SLC19A1: variants seen among roughly 807,000 people sequenced by gnomAD.
The protein encoded by SLC19A1 is reduced folate transporter.
Under a neutral mutation model 35.3 loss-of-function variants are expected in SLC19A1, and 37 were observed. That is an observed-to-expected ratio of 1.05 (90% CI 0.81 to 1.38). The LOEUF is 1.38. SLC19A1 is among the 40% of genes most tolerant of loss of function. The pLI is 0.00. For synonymous variants in SLC19A1, 460 were observed against 398.5 expected, an observed-to-expected ratio of 1.15 and a Z score of -1.84; for missense variants, 831 against 826.9, an observed-to-expected ratio of 1.00 and a Z score of -0.06.
intron 3 of SLC19A1, chr21:45,504,230 A>G: frequency 4.4e-6 from 4 of 911,858 alleles, no homozygotes; most frequent in Non-Finnish European, 6.9e-6. Flanking sequence ...TCCCCGGCTC[A>G]GTTTTTGGGG....
chr21:45,503,627 G>A (rs918425512), intron 3 of SLC19A1, among the ~76,000 whole-genome samples: 3 of 127,762 alleles, frequency 2.3e-5, no homozygotes, highest in Admixed American at 8.8e-5. Flanking sequence ...CACACTCTGG[G>A]GACTGTTGTG....
In SLC19A1 at chr21:45,530,847, G is replaced by C. The variant is rs746279623; in HGVS notation, c.1074C>G (p.His358Gln). Residue 358 changes from histidine (H) to glutamine (Q), a missense_variant, in exon 4 of 6, where the codon CAC becomes CAG. His to Gln is a conservative substitution (Grantham distance 24). Coordinates refer to ENST00000311124, the MANE Select transcript of SLC19A1 (RefSeq NM_194255.4). This position sits in a 1 kb window ranked among gnomAD's most constrained non-coding sequence, Gnocchi z 5.3. Reference protein sequence around the residue: ...GLVFLLAHTRHPSSIWLCYAA... With the variant: ...GLVFLLAHTRQPSSIWLCYAA... The stretch of plus-strand genomic sequence containing the variant: ...CATAGCACAGCCAGATGCTGCTCGG[G>C]TGGCGCGTGTGCGCCAGAAGGAAGA... 1.3e-6 allele frequency: 2 copies of C among 1,509,078 alleles called. No individual in the cohort carries two copies. The highest frequency in any genetic ancestry group is 5.0e-5 in the East Asian group (2 of 39,706). The allele number at this position is 1,509,078 out of a possible 1,614,324, so 93.5% of individuals were successfully genotyped here.
Position 45,517,281 on chromosome 21 carries a change from G to A in SLC19A1, c.1294-1141C>T, listed in dbSNP as rs1308828656. On this transcript the variant is annotated intron_variant, in intron 5 of 5. Transcript: ENST00000311124. The surrounding 1 kb of genome is among the most constrained non-coding windows in gnomAD (Gnocchi z 4.4). ...ACCCAGGGAAGGGTCAGCCCAACAT[G>A]AGGAAAGACCTTTCGACAGGAATCG... Among the ~76,000 whole-genome samples, 5 of 152,178 alleles carry A rather than the reference G, an allele frequency of 3.3e-5. No individual in the cohort carries two copies. The highest frequency in any genetic ancestry group is 2.6e-4 in the Admixed American group (4 of 15,284).
chr21:45,551,917 C>T (rs1489013305), intron 1 of SLC19A1, among the ~76,000 whole-genome samples: 3 of 152,124 alleles, frequency 2.0e-5, no homozygotes, highest in African/African-American at 7.2e-5. Context: ...CCTTTATGTC[C>T]GTACTTTAGG....
At chr21:45,505,222 C>G (rs1456535457) in intron 3 of SLC19A1, 7 of 1,601,150 alleles carry the variant, frequency 4.4e-6, no homozygotes, top group Admixed American at 3.4e-5. Flanking sequence ...CGCCAGGGCC[C>G]TCCCGGCCCC....
chr21:45,505,354 G>A lies in SLC19A1; in HGVS notation c.498-6742C>T, dbSNP rs757988475. On this transcript the variant is annotated intron_variant, in intron 3 of 4. Coordinates refer to the SLC19A1 transcript ENST00000417954. ...GTGTTCCCACCTTGGTTTCTCTCCT[G>A]CAGCTATCAGCGTTCCCGGCCCTCC... 1.9e-6 allele frequency: 3 copies of A among 1,594,920 alleles called. No individual in the cohort carries two copies. The highest frequency in any genetic ancestry group is 3.3e-5 in the Admixed American group (2 of 59,988).
Position 45,530,361 on chromosome 21 carries a change from AGTGT to A in SLC19A1, c.1151+405_1151+408del, listed in dbSNP as rs952803705. On this transcript the variant is annotated intron_variant, in intron 4 of 5. Transcript: ENST00000311124. The surrounding 1 kb of genome is among the most constrained non-coding windows in gnomAD (Gnocchi z 5.3). ...TCTGTGCGCATGTGGTGTGTTCATG[AGTGT>A]GTGTGTGTCCATGTGTGAGCGTGTG... Among the ~76,000 whole-genome samples the A allele has an allele frequency of 1.5e-3, 209 of 143,806 alleles. 1 individual carries two copies. Among genetic ancestry groups the A allele is most frequent in the African/African-American group, 5.1e-3 (195 of 38,420 alleles). 94.3% of individuals were successfully genotyped at this position (143,806 alleles called of 152,430 possible).
At chr21:45,555,160 CGGGGGCGGCGCAGGGGGCGGT>C (rs1448503101) in intron 1 of SLC19A1, among the ~76,000 whole-genome samples, 2 of 41,824 alleles carry the variant, frequency 4.8e-5, no homozygotes, top group East Asian at 8.1e-4. Flanking sequence ...CAGGGGGCGG[CGGGGGCGGCGCAGGGGGCGGT>C]GCAGGGGGCG....
At chr21:45,537,735 C>CCCCA in intron 2 of SLC19A1, 36 bp downstream of exon 2, 4 of 1,182,928 alleles carry the variant, frequency 3.4e-6, no homozygotes, top group South Asian at 4.4e-5. Flanking sequence ...CCCACCCACC[C>CCCCA]ACAGGCGGCC....
At chr21:45,506,303 G>C (rs2037200358) in intron 3 of SLC19A1, 1 of 373,898 alleles carries the variant, frequency 2.7e-6, no homozygotes, top group East Asian at 6.6e-5. Context: ...GGCGGCAGGG[G>C]GGCTCAGGCC....
intron 1 of SLC19A1, among the ~76,000 whole-genome samples, chr21:45,562,739 T>TA (rs1483131841): frequency 1.2e-4 from 18 of 152,192 alleles, no homozygotes; most frequent in Non-Finnish European, 1.9e-4. Flanking sequence ...GAGCTGTACT[T>TA]ACGGTAGATT....
In SLC19A1 at chr21:45,515,960, C is replaced by T. The variant is rs1395900409; in HGVS notation, c.1474G>A (p.Gly492Arg). 7.1e-6 allele frequency: 11 copies of T among 1,540,016 alleles called. No homozygotes were observed. Among genetic ancestry groups the T allele is most frequent in the Admixed American group, 6.2e-5 (3 of 48,454 alleles). ...GGGCTCTGGGCTGGCTGCAGGCCTC[C>T]GAGGCCCTTGTCCTGCACGCTCAGT... ...QALSVQDKGL[G>R]GLQPAQSPPL... The change falls in exon 6 of 6, where the codon GGA (glycine) becomes AGA (arginine). Residue 492 changes from glycine (G) to arginine (R), a missense_variant. Gly to Arg is a moderately radical substitution (Grantham distance 125, BLOSUM62 -2). Transcript: ENST00000311124.
intron 3 of SLC19A1, chr21:45,506,420 C>T (rs911208182): frequency 9.4e-6 from 3 of 320,854 alleles, no homozygotes; most frequent in Non-Finnish European, 1.2e-5. Flanking sequence ...AATGCATCCT[C>T]TCTGCTTAGC....
At chr21:45,529,831 GTGTC>G (rs1381690579) in intron 4 of SLC19A1, among the ~76,000 whole-genome samples, 3 of 150,196 alleles carry the variant, frequency 2.0e-5, no homozygotes, top group African/African-American at 7.3e-5. Context: ...AGTGTGTGGT[GTGTC>G]TGTGTGGTGT....
intron 1 of SLC19A1, among the ~76,000 whole-genome samples, chr21:45,556,878 CGTGTCTCCTGGG>C (rs2078567742): frequency 6.6e-6 from 1 of 150,952 alleles, no homozygotes; most frequent in Non-Finnish European, 1.5e-5. Flanking sequence ...CCGGCCTGCA[CGTGTCTCCTGGG>C]ACGGCGACTC....
At chr21:45,507,762 TGTCTCAGCGCTGGCCCCCCAGTACCTCC>T (rs1467007257), downstream of SLC19A1, among the ~76,000 whole-genome samples, 1 of 152,198 alleles carries the variant, frequency 6.6e-6, no homozygotes. Flanking sequence ...CCACTACCTC[TGTCTCAGCGCTGGCCCCCCAGTACCTCC>T]GTCTCAGCTG....
intron 1 of SLC19A1, among the ~76,000 whole-genome samples, chr21:45,562,304 C>T (rs2078623374): frequency 6.6e-6 from 1 of 152,134 alleles, no homozygotes; most frequent in Admixed American, 6.5e-5. Context: ...TGACACGACA[C>T]CACACGCATT....
At position 45,513,374 on chromosome 21, in the gene SLC19A1, T is replaced by C. The variant is rs2037721263; in HGVS notation, c.*2284A>G. ...TGCCCATGGACAGGCTGGCTCCAGA[T>C]GCAGGGCAGTCATTGGCTGTCTCCT... On this transcript the variant is annotated 3_prime_UTR_variant, in exon 6 of 6. Transcript: ENST00000311124. 6.6e-6 allele frequency: 1 copy of C among 152,278 alleles called. No homozygotes were observed. Among genetic ancestry groups the C allele is most frequent in the East Asian group, 1.9e-4 (1 of 5,188 alleles). The allele number at this position is 152,278 out of a possible 1,614,324, so 9.4% of individuals were successfully genotyped here.
At chr21:45,539,588 G>C (rs1014710246) in intron 1 of SLC19A1, among the ~76,000 whole-genome samples, 1 of 152,206 alleles carries the variant, frequency 6.6e-6, no homozygotes, top group African/African-American at 2.4e-5. Flanking sequence ...CAGTCTTCAC[G>C]TATCAGAGAC....
Sources: gnomAD v4.1 joint callset for allele counts (sites outside exome capture counted in the v4.1 genomes callset) on GRCh38, gnomAD v4.1.1 for gene constraint, Gnocchi (gnomAD v3.1) non-coding constraint, MANE v1.5 for transcripts, NCBI Gene and HGNC (gene_info 2026-07-23, HGNC 2026-07-21) for gene names.